SLC6A20: variants seen among roughly 807,000 people sequenced by gnomAD.
SLC6A20 encodes the protein solute carrier family 6 member 20, also known as sodium- and chloride-dependent transporter XTRP3.
Under a neutral mutation model 64.3 loss-of-function variants are expected in SLC6A20, and 73 were observed. The ratio of observed to expected loss-of-function variants is 1.14; its 90% CI spans 0.94 to 1.38. SLC6A20 has a LOEUF of 1.38. SLC6A20 is among the 40% of genes most tolerant of loss of function. The pLI is 0.00. For synonymous variants in SLC6A20, 347 were observed against 329.6 expected (o/e 1.05, Z -0.57); for missense variants, 725 against 772.8 (o/e 0.94, Z 0.73).
Position 45,771,197 on chromosome 3 carries a change from G to A in SLC6A20, c.935+20C>T, listed in dbSNP as rs772008587. 6.2e-7 allele frequency: 1 copy of A among 1,613,958 alleles called. No homozygotes were observed. The highest frequency in any genetic ancestry group is 8.5e-7 in the Non-Finnish European group (1 of 1,179,852). On this transcript the variant is annotated intron_variant, in intron 6 of 10. Transcript: ENST00000358525. Reference sequence around the variant, plus strand: ...AGAGCTCAGGGAGGCCTGGGACTCGGTGGGACAGCCCAGGCTTACTTCTTC... The same window carrying A: ...AGAGCTCAGGGAGGCCTGGGACTCGATGGGACAGCCCAGGCTTACTTCTTC...
At chr3:45,791,141 C>T (rs544443391) in intron 1 of SLC6A20, among the ~76,000 whole-genome samples, 1 of 152,324 alleles carries the variant, frequency 6.6e-6, no homozygotes, top group East Asian at 1.9e-4. Context: ...GGTCCACCCC[C>T]AACCCCTGTA....
chr3:45,791,713 G>T, intron 1 of SLC6A20: 2 of 158,086 alleles, frequency 1.3e-5, no homozygotes, highest in South Asian at 3.8e-4. Context: ...AGGGGAAGTA[G>T]GCACGTCTTA....
intron 3 of SLC6A20, among the ~76,000 whole-genome samples, chr3:45,779,096 G>T (rs1028456306): frequency 6.6e-6 from 1 of 152,244 alleles, no homozygotes; most frequent in Admixed American, 6.5e-5. Flanking sequence ...GCCCTATCTT[G>T]CTTGCGGACC....
rs535081840 is a variant in SLC6A20 at position 45,771,895 on chromosome 3, G to A, written c.694-437C>T. On this transcript the variant is annotated intron_variant, in intron 5 of 10. Transcript: ENST00000358525. ...CAGGTCTGGGCATTCAGAGATGGAG[G>A]GGGTGTGGCCTGGCAGGGGAGGTCT... is the stretch of plus-strand genomic sequence containing the variant. 99 of 190,480 alleles carry A rather than the reference G, an allele frequency of 5.2e-4. 3 individuals carry two copies. The highest frequency in any genetic ancestry group is 1.6e-4 in the Admixed American group (3 of 18,440). 11.8% of individuals were successfully genotyped at this position (190,480 alleles called of 1,614,324 possible). A position where few individuals can be genotyped will look rare whatever the true frequency, so the allele number is the denominator to read the frequency against.
At chr3:45,792,138 C>T (rs561369728) in intron 1 of SLC6A20, among the ~76,000 whole-genome samples, 12 of 152,248 alleles carry the variant, frequency 7.9e-5, no homozygotes, top group African/African-American at 1.4e-4. Flanking sequence ...CTGGCCAGGC[C>T]CTCCTCCAAT....
intron 1 of SLC6A20, among the ~76,000 whole-genome samples, chr3:45,783,872 C>G (rs1319100118): frequency 6.6e-6 from 1 of 152,200 alleles, no homozygotes; most frequent in African/African-American, 2.4e-5. Context: ...TCCTTCAGAA[C>G]CTTGTTTCAG....
In SLC6A20 at chr3:45,763,279, G is replaced by T. The variant is rs6794096; in HGVS notation, c.1304-207C>A. Among the ~76,000 whole-genome samples, 3,918 of 152,234 alleles carry T rather than the reference G, an allele frequency of 0.026. 181 individuals carry two copies. Among genetic ancestry groups the T allele is most frequent in the African/African-American group, 0.088 (3,638 of 41,542 alleles). Reference sequence around the variant, plus strand: ...AGGGGGCACAATGGTGTCCCGAAGCGTGTTGGCAGGGGTCACTGATGTTGA... The same window carrying T: ...AGGGGGCACAATGGTGTCCCGAAGCTTGTTGGCAGGGGTCACTGATGTTGA... On this transcript the variant is annotated intron_variant, in intron 8 of 10. Coordinates refer to ENST00000358525, the MANE Select transcript of SLC6A20 (RefSeq NM_020208.4).
chr3:45,793,405 A>G (rs1403488159), intron 1 of SLC6A20, among the ~76,000 whole-genome samples: 4 of 152,146 alleles, frequency 2.6e-5, no homozygotes, highest in African/African-American at 9.7e-5. Flanking sequence ...CTGAACAACT[A>G]CTGCCTTAGA....
chr3:45,762,634 G>C (rs1298875540), intron 9 of SLC6A20, among the ~76,000 whole-genome samples: 1 of 152,240 alleles, frequency 6.6e-6, no homozygotes, highest in Non-Finnish European at 1.5e-5. Context: ...CCCTGCCCCA[G>C]TAAGCTGTGG....
In SLC6A20 at chr3:45,782,041, C is replaced by T. The variant is rs201662327; in HGVS notation, c.262+42G>A. 14 of 1,549,112 alleles carry T rather than the reference C, an allele frequency of 9.0e-6. No individual in the cohort carries two copies. In the Admixed American group the frequency reaches 2.7e-4, roughly 30 times the overall value. On this transcript the variant is annotated intron_variant, in intron 2 of 10. Coordinates refer to ENST00000358525, the MANE Select transcript of SLC6A20 (RefSeq NM_020208.4). ...GATCCCACCCACACCCCCATGCTGC[C>T]CGGGTCTCTGGGTGGGAGAGGACTG...
chr3:45,778,143 C>T (rs891523722), intron 3 of SLC6A20, among the ~76,000 whole-genome samples: 8 of 152,198 alleles, frequency 5.3e-5, no homozygotes, highest in South Asian at 2.1e-4. Context: ...GGTGCTCCTG[C>T]TGAGAAGGGC....
At chr3:45,762,043 C>T (rs924525893) in intron 9 of SLC6A20, among the ~76,000 whole-genome samples, 1 of 152,170 alleles carries the variant, frequency 6.6e-6, no homozygotes, top group African/African-American at 2.4e-5. Context: ...GCACAGCCTC[C>T]TCGCCCAAAC....
chr3:45,795,860 C>T (rs1473423688), intron 1 of SLC6A20, among the ~76,000 whole-genome samples: 1 of 152,214 alleles, frequency 6.6e-6, no homozygotes, highest in Non-Finnish European at 1.5e-5. Flanking sequence ...GAGTTTCAAA[C>T]CGTTGATTTA....
intron 3 of SLC6A20, among the ~76,000 whole-genome samples, chr3:45,776,897 A>G (rs1158977935): frequency 2.6e-5 from 4 of 152,218 alleles, no homozygotes; most frequent in Admixed American, 1.3e-4. Flanking sequence ...GTGCCCCCAT[A>G]GGAGGCTGCT....
chr3:45,782,101 G>A lies in SLC6A20; in HGVS notation c.244C>T (p.Pro82Ser), dbSNP rs1197382771. 6.2e-7 allele frequency: 1 copy of A among 1,612,144 alleles called. No homozygotes were observed. The highest frequency in any genetic ancestry group is 8.5e-7 in the Non-Finnish European group (1 of 1,179,258). The change falls in exon 2 of 11, where the codon CCG (proline) becomes TCG (serine). Residue 82 changes from proline (P) to serine (S), a missense_variant. Physicochemically the swap from Pro to Ser is moderately conservative, Grantham distance 74. Coordinates refer to ENST00000358525, the MANE Select transcript of SLC6A20 (RefSeq NM_020208.4). ...GSIGAWRTIS[P>S]YLSGVGVASV... ...CACGTACCGACACCACTGAGGTACGGGCTGATGGTCCTCCAGGCGCCGATG... is the reference window on the plus strand; with the variant it reads ...CACGTACCGACACCACTGAGGTACGAGCTGATGGTCCTCCAGGCGCCGATG...
At position 45,766,997 on chromosome 3, in the gene SLC6A20, A is replaced by C. The variant is rs565448246; in HGVS notation, c.1099-1256T>G. On this transcript the variant is annotated intron_variant, in intron 7 of 10. Transcript: ENST00000358525. Reference sequence around the variant, plus strand: ...TACTAAAAGTAAATAAAAGAAAATAAATTTACGTTGTTTAAGCCACCCAGC... The same window carrying C: ...TACTAAAAGTAAATAAAAGAAAATACATTTACGTTGTTTAAGCCACCCAGC... Among the ~76,000 whole-genome samples the C allele has an allele frequency of 3.3e-5, 5 of 152,294 alleles. No individual in the cohort carries two copies. The East Asian group carries it at 9.6e-4, about 29-fold the overall frequency.
intron 2 of SLC6A20, among the ~76,000 whole-genome samples, chr3:45,780,775 C>T (rs1700070319): frequency 6.6e-6 from 1 of 152,222 alleles, no homozygotes; most frequent in African/African-American, 2.4e-5. Flanking sequence ...GCCGCAAGTG[C>T]TGGGACACTC....
rs953853167 is a variant in SLC6A20, at chr3:45,756,646, C to CAAAG, written c.*2328_*2331dup. 3.3e-5 allele frequency: 5 copies of CAAAG among 152,156 alleles called. No individual in the cohort carries two copies. Among genetic ancestry groups the CAAAG allele is most frequent in the African/African-American group, 1.2e-4 (5 of 41,428 alleles). 9.4% of individuals were successfully genotyped at this position (152,156 alleles called of 1,614,324 possible). On this transcript the variant is annotated 3_prime_UTR_variant, in exon 11 of 11. Transcript: ENST00000358525. ...CGTCCCAGGTGAGTGTTTGTGTCTT[C>CAAAG]AAAGATATCTGTGCAAATATATCCA...
At chr3:45,793,687 T>C (rs1700295934) in intron 1 of SLC6A20, among the ~76,000 whole-genome samples, 1 of 152,160 alleles carries the variant, frequency 6.6e-6, no homozygotes, top group African/African-American at 2.4e-5. Context: ...TGGGAAGTAT[T>C]TTGGCACAGC....
Sources: allele counts gnomAD v4.1 joint callset (sites outside exome capture counted in the v4.1 genomes callset), GRCh38; gene constraint gnomAD v4.1.1; transcripts MANE v1.5; gene names NCBI Gene and HGNC (gene_info 2026-07-23, HGNC 2026-07-21).